SPATA6L: variants seen among roughly 807,000 people sequenced by gnomAD.
SPATA6L encodes spermatogenesis associated 6 like.
SPATA6L carries 68 observed loss-of-function variants against 49.2 expected under a neutral mutation model. The ratio of observed to expected loss-of-function variants is 1.38; its 90% CI spans 1.14 to 1.69. The LOEUF (loss-of-function observed/expected upper bound fraction) is 1.69, where lower values mean the gene tolerates loss of function less well. Ranked by LOEUF, SPATA6L falls within the 40% of genes most tolerant of loss-of-function variation. SPATA6L has a pLI of 0.00. For missense variants in SPATA6L, 668 were observed against 464.3 expected (o/e 1.44, Z -4.03); for synonymous variants, 198 against 165.7 (o/e 1.19, Z -1.50).
Position 4,620,157 on chromosome 9 carries a change from G to C in SPATA6L, c.773-1259C>G, listed in dbSNP as rs112170943. Among the ~76,000 whole-genome samples the C allele has an allele frequency of 9.0e-3, 1,366 of 152,258 alleles. 22 individuals carry two copies. Among genetic ancestry groups the C allele is most frequent in the African/African-American group, 0.031 (1,301 of 41,524 alleles). The stretch of plus-strand genomic sequence containing the variant: ...CCCCAGCTGGGCAGGAGTCAGCAAT[G>C]CTAAGGCCCTTTCAGCTATAGCCAC... On this transcript the variant is annotated intron_variant, in intron 7 of 11. Transcript: ENST00000682582.
chr9:4,612,685 C>T (rs1341082279), intron 9 of SPATA6L, among the ~76,000 whole-genome samples: 1 of 152,174 alleles, frequency 6.6e-6, no homozygotes, highest in Non-Finnish European at 1.5e-5. Flanking sequence ...TGAGCTGAGA[C>T]TCTTTGTTTA....
chr9:4,590,466 C>T (rs899388474), intron 13 of SPATA6L, among the ~76,000 whole-genome samples: 4 of 152,168 alleles, frequency 2.6e-5, no homozygotes, highest in Non-Finnish European at 4.4e-5. Flanking sequence ...TAGGGTGACA[C>T]TTATGGTTTC....
intron 1 of SPATA6L, chr9:4,663,456 G>A (rs1840348999): frequency 1.6e-6 from 1 of 612,514 alleles, no homozygotes; most frequent in Non-Finnish European, 2.8e-6. Flanking sequence ...AGCCATATTA[G>A]GGAAAGCAAA....
At position 4,618,026 on chromosome 9, in the gene SPATA6L, A is replaced by T; in HGVS notation, c.892T>A (p.Ser298Thr). The T allele has an allele frequency of 6.2e-7, 1 of 1,614,122 alleles. No homozygotes were observed. Among genetic ancestry groups the T allele is most frequent in the Non-Finnish European group, 8.5e-7 (1 of 1,180,006 alleles). Residue 298 changes from serine (S) to threonine (T), a missense_variant, in exon 9 of 12, where the codon TCC (serine) becomes ACC (threonine). Ser to Thr is a moderately conservative substitution (Grantham distance 58). Transcript: ENST00000682582. ...AAATCAGCATCCCCTTGTTTACTGG[A>T]TGAAGACTTTCCAAACTGACTTGAA... ...LDSSQFGKSS[S>T]SKQGDADFHG... is the part of the protein sequence containing the mutation.
chr9:4,592,606 G>A (rs952799145), intron 13 of SPATA6L, among the ~76,000 whole-genome samples: 7 of 152,184 alleles, frequency 4.6e-5, no homozygotes, highest in Non-Finnish European at 8.8e-5. Flanking sequence ...AGAGTGCCAG[G>A]AGTGCTAGAA....
At chr9:4,654,624 G>T (rs555217867) in intron 3 of SPATA6L, among the ~76,000 whole-genome samples, 1 of 152,232 alleles carries the variant, frequency 6.6e-6, no homozygotes, top group Non-Finnish European at 1.5e-5. Flanking sequence ...TTTATTGAGT[G>T]GGGGTAGCTT....
chr9:4,601,022 CT>C (rs1227375609), intron 11 of SPATA6L, among the ~76,000 whole-genome samples: 1 of 152,178 alleles, frequency 6.6e-6, no homozygotes. Context: ...TACTTGACGT[CT>C]TTGTAAAATA....
At chr9:4,661,766 A>AAGGCCGACTGCGGT in intron 2 of SPATA6L, 133 bp downstream of exon 2, 13 of 819,792 alleles carry the variant, frequency 1.6e-5, no homozygotes, top group Non-Finnish European at 1.9e-5. Flanking sequence ...GCGGTTTTGC[A>AAGGCCGACTGCGGT]TTGTGCTGAA....
At chr9:4,593,545 G>A (rs1026046945), downstream of SPATA6L, among the ~76,000 whole-genome samples, 4 of 151,982 alleles carry the variant, frequency 2.6e-5, no homozygotes, top group African/African-American at 9.7e-5. Flanking sequence ...AATTTTGGGG[G>A]CTGCTTTTTA....
chr9:4,615,742 C>T (rs747041063), intron 9 of SPATA6L, among the ~76,000 whole-genome samples: 10 of 152,156 alleles, frequency 6.6e-5, no homozygotes, highest in Non-Finnish European at 1.5e-5. Context: ...CAGTGGAAAG[C>T]AGAGACATGT....
chr9:4,635,400 C>G lies in SPATA6L; in HGVS notation c.227-1G>C. The stretch of plus-strand genomic sequence containing the variant: ...TCGTAGTAGGCCAACTCATCCCACA[C>G]TAGAAAGAAAATAGAAAAAGCATAA... On this transcript the variant is annotated splice_acceptor_variant, in intron 3 of 11. Transcript: ENST00000682582. LOFTEE classifies it high-confidence loss of function. 1 of 1,573,798 alleles carries G rather than the reference C, an allele frequency of 6.4e-7. No individual in the cohort carries two copies.
At chr9:4,660,861 A>G (rs1839505639) in intron 2 of SPATA6L, among the ~76,000 whole-genome samples, 1 of 152,232 alleles carries the variant, frequency 6.6e-6, no homozygotes, top group African/African-American at 2.4e-5. Context: ...ATAAAAAAGG[A>G]TGAGTTCGTG....
chr9:4,646,645 A>G, intron 3 of SPATA6L: 1 of 457,488 alleles, frequency 2.2e-6, no homozygotes, highest in East Asian at 3.6e-5. Context: ...AAAAATAATA[A>G]TTAAAAATAA....
chr9:4,622,356 A>G, intron 7 of SPATA6L, 52 bp downstream of exon 7: 1 of 1,042,622 alleles, frequency 9.6e-7, no homozygotes, highest in East Asian at 2.4e-5. Flanking sequence ...TATACTCAGG[A>G]CGCATTTGTT....
At chr9:4,602,949 T>A (rs1823731568) in intron 11 of SPATA6L, among the ~76,000 whole-genome samples, 1 of 152,144 alleles carries the variant, frequency 6.6e-6, no homozygotes, top group Non-Finnish European at 1.5e-5. Flanking sequence ...TGTGTACTAG[T>A]CTCAGCACTC....
intron 10 of SPATA6L, 80 bp from the exon 11 acceptor site, chr9:4,604,349 T>G (rs1234760460): frequency 1.1e-6 from 1 of 898,132 alleles, no homozygotes; most frequent in Non-Finnish European, 1.8e-6. Flanking sequence ...TAGTTTTGCA[T>G]GTAGGAGGTC....
At chr9:4,649,618 G>A (rs951064946) in intron 3 of SPATA6L, among the ~76,000 whole-genome samples, 16 of 152,210 alleles carry the variant, frequency 1.1e-4, no homozygotes, top group African/African-American at 1.7e-4. Flanking sequence ...CCTCTTATCC[G>A]CAAGATACTT....
chr9:4,663,612 A>G (rs112835244), intron 1 of SPATA6L: 3 of 250,556 alleles, frequency 1.2e-5, no homozygotes, highest in African/African-American at 2.2e-5. Context: ...TAATCCCTAA[A>G]TCAACATACC....
At chr9:4,592,771 C>T (rs777161225) in intron 13 of SPATA6L, among the ~76,000 whole-genome samples, 4 of 152,148 alleles carry the variant, frequency 2.6e-5, no homozygotes, top group Non-Finnish European at 5.9e-5. Context: ...GTGTTCTTAT[C>T]ATATCCCCCA....
Sources: gnomAD v4.1 joint callset for allele counts (sites outside exome capture counted in the v4.1 genomes callset) on GRCh38, gnomAD v4.1.1 for gene constraint, MANE v1.5 for transcripts, NCBI Gene and HGNC (gene_info 2026-07-23, HGNC 2026-07-21) for gene names.